ACOT11: variants seen among roughly 807,000 people sequenced by gnomAD.
ACOT11 encodes the protein acyl-CoA thioesterase 11.
A neutral mutation model predicts 77.5 loss-of-function variants in ACOT11; 69 were observed. That is an observed-to-expected ratio of 0.89 (90% confidence interval 0.73 to 1.09). ACOT11 has a LOEUF of 1.09. Among genes scored for constraint, ACOT11 ranks in the 50% least tolerant of loss-of-function variants. ACOT11 has a pLI of 0.00. For missense variants in ACOT11, 766 were observed against 813.7 expected (o/e 0.94, Z 0.71); for synonymous variants, 279 against 313.0 (o/e 0.89, Z 1.15).
chr1:54,587,598 AC>A (rs1180212678), intron 3 of ACOT11, among the ~76,000 whole-genome samples: 4 of 107,230 alleles, frequency 3.7e-5, no homozygotes, highest in Non-Finnish European at 6.8e-5. Flanking sequence ...TTGCTCTGTC[AC>A]CCAGGCTGGA....
intron 15 of ACOT11, among the ~76,000 whole-genome samples, chr1:54,620,193 A>T (rs1242087161): frequency 6.6e-6 from 1 of 152,226 alleles, no homozygotes; most frequent in Non-Finnish European, 1.5e-5. Flanking sequence ...GGGCCCAAGG[A>T]AGCCTCATTA....
In ACOT11 at chr1:54,609,859, A is replaced by G; in HGVS notation, c.*747A>G. 1 of 1,614,048 alleles carries G rather than the reference A, an allele frequency of 6.2e-7. No individual in the cohort carries two copies. The highest frequency in any genetic ancestry group is 8.5e-7 in the Non-Finnish European group (1 of 1,180,038). On this transcript the variant is annotated 3_prime_UTR_variant, in exon 16 of 16. Transcript: ENST00000343744. ...AGGACTCCAGCGTCAGGATGTTGCC[A>G]CTTGGAGTATGAACAATGGGCACGG... is the stretch of plus-strand genomic sequence containing the variant.
intron 15 of ACOT11, chr1:54,630,699 T>A: frequency 1.6e-6 from 1 of 644,268 alleles, no homozygotes; most frequent in South Asian, 1.8e-5. Flanking sequence ...ACTTCACACC[T>A]CTATATTTCT....
intron 15 of ACOT11, chr1:54,619,761 G>T: frequency 2.5e-6 from 3 of 1,208,920 alleles, no homozygotes; most frequent in Non-Finnish European, 2.4e-6. Flanking sequence ...CATGTAAACA[G>T]CCATCATGCC....
chr1:54,594,447 A>G, intron 5 of ACOT11, 109 bp from the exon 6 acceptor site: 1 of 1,389,280 alleles, frequency 7.2e-7, no homozygotes, highest in Non-Finnish European at 9.7e-7. Context: ...GCAGCAGCCC[A>G]CGCCTGCTGT....
In ACOT11 at chr1:54,569,456, C is replaced by T. The variant is rs568946; in HGVS notation, c.34-15199C>T. Among the ~76,000 whole-genome samples, 6 of 152,264 alleles carry T rather than the reference C, an allele frequency of 3.9e-5. No individual in the cohort carries two copies. The South Asian group carries it at 1.0e-3, about 26-fold the overall frequency. On this transcript the variant is annotated intron_variant, in intron 1 of 15. Transcript: ENST00000343744. ...CAGCCTGGCCCCCTCACTGTCCCTC[C>T]GACGGCCTGGTTGTCATCCTGAGCC...
At position 54,584,865 on chromosome 1, in the gene ACOT11, A is replaced by G; in HGVS notation, c.241+3A>G. 1 of 1,610,820 alleles carries G rather than the reference A, an allele frequency of 6.2e-7. No individual in the cohort carries two copies. The highest frequency in any genetic ancestry group is 8.5e-7 in the Non-Finnish European group (1 of 1,178,612). The stretch of plus-strand genomic sequence containing the variant: ...TGACACCACGGCTTGCCTGTCCGGT[A>G]AGGCTGCGCTCCCCATGGTTCCCTA... On this transcript the variant is annotated splice_donor_region_variant and intron_variant, in intron 2 of 15. Coordinates refer to ENST00000343744, the MANE Select transcript of ACOT11 (RefSeq NM_147161.4). The surrounding 1 kb of genome is among the most constrained non-coding windows in gnomAD (Gnocchi z 6.3).
At chr1:54,587,867 G>A (rs1654562256) in intron 3 of ACOT11, among the ~76,000 whole-genome samples, 1 of 151,730 alleles carries the variant, frequency 6.6e-6, no homozygotes, top group African/African-American at 2.4e-5. Flanking sequence ...CAGCTGCTTT[G>A]TAATACCTTT....
At position 54,609,834 on chromosome 1, in the gene ACOT11, AG is replaced by A. The variant is rs1644094322; in HGVS notation, c.*724del. 5.6e-6 allele frequency: 9 copies of A among 1,614,078 alleles called. No individual in the cohort carries two copies. Among genetic ancestry groups the A allele is most frequent in the Non-Finnish European group, 7.6e-6 (9 of 1,180,048 alleles). ...GGATGTGTGGCCAGCTGCTGCAGGC[AG>A]GACTCCAGCGTCAGGATGTTGCCAC... On this transcript the variant is annotated 3_prime_UTR_variant, in exon 16 of 16. Transcript: ENST00000343744.
At chr1:54,558,095 GT>G (rs1402963662) in intron 1 of ACOT11, among the ~76,000 whole-genome samples, 1 of 152,114 alleles carries the variant, frequency 6.6e-6, no homozygotes, top group Non-Finnish European at 1.5e-5. Context: ...TCAGGATGTT[GT>G]ATATACTTCA....
At chr1:54,562,551 C>CCA (rs1487812458) in intron 1 of ACOT11, among the ~76,000 whole-genome samples, 5 of 140,960 alleles carry the variant, frequency 3.5e-5, no homozygotes, top group African/African-American at 1.3e-4. Flanking sequence ...GCTGACCCAC[C>CCA]CCCCACCTCC....
At chr1:54,612,463 G>T, downstream of ACOT11, 7 of 1,571,764 alleles carry the variant, frequency 4.5e-6, no homozygotes, top group Non-Finnish European at 6.1e-6. Flanking sequence ...CAGGAGGGTG[G>T]GGGTGGGTTT....
intron 15 of ACOT11, chr1:54,623,369 C>T: frequency 6.2e-7 from 1 of 1,613,968 alleles, no homozygotes; most frequent in Non-Finnish European, 8.5e-7. Context: ...TGACCTGATT[C>T]TTTGATAACT....
At chr1:54,601,127 A>ATGTGTGTGCATAAGTGTG (rs1643957285) in intron 8 of ACOT11, 142 bp from the exon 9 acceptor site, 1 of 772,042 alleles carries the variant, frequency 1.3e-6, no homozygotes, top group East Asian at 3.6e-5. Context: ...ATGTGTGTGT[A>ATGTGTGTGCATAAGTGTG]TGTGTGTGCA....
chr1:54,608,669 C>CA (rs1295512163), intron 15 of ACOT11, among the ~76,000 whole-genome samples: 34 of 152,250 alleles, frequency 2.2e-4, no homozygotes, highest in African/African-American at 7.7e-4. Flanking sequence ...GCAGCCCCTG[C>CA]CCTCCAGGGC....
Position 54,559,167 on chromosome 1 carries a change from C to T in ACOT11, c.33+10825C>T, listed in dbSNP as rs986597052. Among the ~76,000 whole-genome samples the T allele has an allele frequency of 2.6e-5, 4 of 152,214 alleles. No homozygotes were observed. In the South Asian group the frequency reaches 6.2e-4, roughly 24 times the overall value. ...TCCCCGTTTCCAGCCCTTGTCTTGGCTAGCGGGGCATCTGGAACTTCCGTG... is the reference window on the plus strand; with the variant it reads ...TCCCCGTTTCCAGCCCTTGTCTTGGTTAGCGGGGCATCTGGAACTTCCGTG... On this transcript the variant is annotated intron_variant, in intron 1 of 15. Coordinates refer to ENST00000343744, the MANE Select transcript of ACOT11 (RefSeq NM_147161.4).
chr1:54,617,835 T>C (rs573016844), intron 15 of ACOT11, among the ~76,000 whole-genome samples: 80 of 148,730 alleles, frequency 5.4e-4, no homozygotes, highest in African/African-American at 1.8e-3. Context: ...GTGATTCTCC[T>C]GCCTCAGCCT....
rs887163252 is a variant in ACOT11 at position 54,604,050 on chromosome 1, C to T, written c.1152+113C>T. 2.9e-5 allele frequency: 29 copies of T among 987,302 alleles called. 1 individual carries two copies. The highest frequency in any genetic ancestry group is 1.6e-4 in the African/African-American group (10 of 62,562). The allele number at this position is 987,302 out of a possible 1,614,324, so 61.2% of individuals were successfully genotyped here. On this transcript the variant is annotated intron_variant, in intron 11 of 15. Transcript: ENST00000343744. ...CGGGGAGAGCAGGATATGAATGACA[C>T]GCCTCATGATTGCTACCATTAGCAA...
intron 1 of ACOT11, among the ~76,000 whole-genome samples, chr1:54,564,105 G>C (rs1304109396): frequency 6.6e-6 from 1 of 151,532 alleles, no homozygotes; most frequent in Non-Finnish European, 1.5e-5. Context: ...GGTGGTGCGT[G>C]CCTGTAGTCT....
Sources: gnomAD v4.1 joint callset for allele counts (sites outside exome capture counted in the v4.1 genomes callset) on GRCh38, gnomAD v4.1.1 for gene constraint, Gnocchi (gnomAD v3.1) non-coding constraint, MANE v1.5 for transcripts, NCBI Gene and HGNC (gene_info 2026-07-23, HGNC 2026-07-21) for gene names.